The following DCP1B variants were observed in gnomAD, a reference collection of about 807,000 sequenced individuals.
DCP1B encodes mRNA-decapping enzyme 1B.
A neutral mutation model predicts 60.5 loss-of-function variants in DCP1B; 47 were observed. That is an observed-to-expected ratio of 0.78 (90% confidence interval 0.61 to 0.99). The LOEUF is 0.99. DCP1B is among the 50% of genes least tolerant of loss of function. DCP1B has a pLI of 0.00. For synonymous variants in DCP1B, 267 were observed against 280.3 expected, an observed-to-expected ratio of 0.95 and a Z score of 0.47; for missense variants, 725 against 756.8, an observed-to-expected ratio of 0.96 and a Z score of 0.49.
chr12:1,981,508 CTA>C (rs1006341044), intron 3 of DCP1B, among the ~76,000 whole-genome samples: 2 of 152,160 alleles, frequency 1.3e-5, no homozygotes, highest in Non-Finnish European at 2.9e-5. Context: ...ATAAGGTAAA[CTA>C]TAAGCACAAC....
chr12:1,996,057 A>T (rs118063740), intron 2 of DCP1B, among the ~76,000 whole-genome samples: 4,163 of 152,290 alleles, frequency 0.027, 92 homozygotes, highest in Middle Eastern at 0.054. Context: ...TGTCATTTTT[A>T]AAATTTCACC....
chr12:1,972,681 G>A (rs2032828101), intron 3 of DCP1B, among the ~76,000 whole-genome samples: 1 of 152,134 alleles, frequency 6.6e-6, no homozygotes, highest in African/African-American at 2.4e-5. Flanking sequence ...TGAAATACAT[G>A]AAGCATTCAA....
chr12:1,999,214 T>C (rs930076050), intron 1 of DCP1B, among the ~76,000 whole-genome samples: 2 of 152,196 alleles, frequency 1.3e-5, no homozygotes, highest in Admixed American at 6.5e-5. Flanking sequence ...TTCTGATGTA[T>C]GCTAGTTTGA....
intron 1 of DCP1B, among the ~76,000 whole-genome samples, chr12:1,999,407 T>G (rs1032774863): frequency 6.6e-6 from 1 of 152,234 alleles, no homozygotes; most frequent in African/African-American, 2.4e-5. Context: ...TTATGGAATA[T>G]GAAATTATAA....
At chr12:1,984,907 T>A (rs1028653742) in intron 3 of DCP1B, among the ~76,000 whole-genome samples, 1 of 152,078 alleles carries the variant, frequency 6.6e-6, no homozygotes, top group African/African-American at 2.4e-5. Flanking sequence ...GCTCTTTTAT[T>A]TCCAAACTTG....
chr12:1,995,591 A>G (rs1363759049), intron 2 of DCP1B, among the ~76,000 whole-genome samples: 2 of 152,044 alleles, frequency 1.3e-5, no homozygotes, highest in Non-Finnish European at 2.9e-5. Context: ...TCCACCTCCC[A>G]TTGTTGCCTC....
At chr12:1,989,062 T>C (rs1268384928) in intron 3 of DCP1B, among the ~76,000 whole-genome samples, 1 of 152,236 alleles carries the variant, frequency 6.6e-6, no homozygotes, top group Non-Finnish European at 1.5e-5. Flanking sequence ...GATTATATCC[T>C]ATATTCAACT....
At chr12:1,989,419 A>C (rs2038767536) in intron 3 of DCP1B, among the ~76,000 whole-genome samples, 1 of 152,014 alleles carries the variant, frequency 6.6e-6, no homozygotes, top group Non-Finnish European at 1.5e-5. Context: ...GGAAAGGGAA[A>C]GGGAAAGGAA....
chr12:1,969,455 T>C (rs1220869765), intron 3 of DCP1B, among the ~76,000 whole-genome samples: 1 of 151,686 alleles, frequency 6.6e-6, no homozygotes, highest in African/African-American at 2.4e-5. Flanking sequence ...GGGGGGGAAG[T>C]AGGGGAAAAA....
At chr12:2,004,027 C>T (rs898150824) in intron 1 of DCP1B, among the ~76,000 whole-genome samples, 2 of 152,166 alleles carry the variant, frequency 1.3e-5, no homozygotes, top group South Asian at 2.1e-4. Flanking sequence ...CGTACCCGAT[C>T]GGTCTGGTCT....
downstream of DCP1B, among the ~76,000 whole-genome samples, chr12:1,942,816 A>G (rs2154456041): frequency 6.6e-6 from 1 of 152,362 alleles, no homozygotes; most frequent in South Asian, 2.1e-4. Flanking sequence ...GGAAATTTAT[A>G]GCACTAAAAT....
chr12:1,951,087 C>A (rs2030650241), intron 7 of DCP1B, among the ~76,000 whole-genome samples: 1 of 152,138 alleles, frequency 6.6e-6, no homozygotes, highest in Non-Finnish European at 1.5e-5. Flanking sequence ...GCCAGGCCAA[C>A]ATCGTGACAC....
At chr12:1,967,284 G>C (rs763918259) in intron 4 of DCP1B, among the ~76,000 whole-genome samples, 7 of 152,188 alleles carry the variant, frequency 4.6e-5, no homozygotes, top group Non-Finnish European at 1.0e-4. Flanking sequence ...CCAGTAACAA[G>C]GAAGAGAGAG....
intron 5 of DCP1B, among the ~76,000 whole-genome samples, chr12:1,956,385 G>A (rs770393262): frequency 2.0e-4 from 31 of 152,262 alleles, no homozygotes; most frequent in Non-Finnish European, 3.1e-4. Context: ...CAAGGCCTCA[G>A]GCCCCAAAAT....
rs147147626 is a variant in DCP1B, at chr12:2,002,229, T to A, written c.150+2053A>T. 9.7e-3 allele frequency among the ~76,000 whole-genome samples: 1,479 copies of A among 152,322 alleles called. 11 individuals carry two copies. Among genetic ancestry groups the A allele is most frequent in the South Asian group, 0.018 (87 of 4,830 alleles). ...ATCCCCCCTGCCTTCTTGTAAATAC[T>A]TTCTCCTCTATTCTCAACAATGTTC... On this transcript the variant is annotated intron_variant, in intron 1 of 8. Transcript: ENST00000280665.
chr12:1,949,297 G>A lies in DCP1B; in HGVS notation c.1562C>T (p.Pro521Leu), dbSNP rs773134553. Residue 521 changes from proline to leucine, a missense_variant, in exon 8 of 9, where the codon CCG becomes CTG. Physicochemically the swap from Pro to Leu is moderately conservative, Grantham distance 98. Transcript: ENST00000280665. Reference protein sequence around the residue: ...SPQRIPATAAPSLLMSPMVFA... With the variant: ...SPQRIPATAALSLLMSPMVFA... Reference sequence around the variant, plus strand: ...CACCATGGGGGACATAAGCAGAGACGGAGCTGCTGTAGCAGGGATGCGCTG... The same window carrying A: ...CACCATGGGGGACATAAGCAGAGACAGAGCTGCTGTAGCAGGGATGCGCTG... 6.8e-6 allele frequency: 11 copies of A among 1,613,996 alleles called. No homozygotes were observed. Among genetic ancestry groups the A allele is most frequent in the African/African-American group, 6.7e-5 (5 of 74,938 alleles).
At chr12:1,989,278 A>G (rs1319982609) in intron 3 of DCP1B, among the ~76,000 whole-genome samples, 7 of 152,214 alleles carry the variant, frequency 4.6e-5, no homozygotes, top group Non-Finnish European at 7.4e-5. Context: ...CAAGGTTGCA[A>G]TGAGGCTATG....
Position 1,946,261 on chromosome 12 carries a change from ATTATATT to A in DCP1B, c.1792_1798del (p.Asn598SerfsTer9). The A allele has an allele frequency of 6.2e-7, 1 of 1,607,594 alleles. No homozygotes were observed. The highest frequency in any genetic ancestry group is 8.5e-7 in the Non-Finnish European group (1 of 1,177,660). The stretch of plus-strand genomic sequence containing the variant: ...CATGCTGAAGAGATAGGCTTCATAG[ATTATATT>A]TAAGAAGTTGTCATCATTCTGGAAA... On this transcript the variant is annotated frameshift_variant, in exon 9 of 9. Transcript: ENST00000280665. LOFTEE classifies it high-confidence loss of function.
downstream of DCP1B, among the ~76,000 whole-genome samples, chr12:1,944,901 A>C (rs2030370158): frequency 6.6e-6 from 1 of 152,220 alleles, no homozygotes. Flanking sequence ...AAAACACCAA[A>C]AGCAATGGCA....
Sources: allele counts gnomAD v4.1 joint callset (sites outside exome capture counted in the v4.1 genomes callset), GRCh38; gene constraint gnomAD v4.1.1; transcripts MANE v1.5; gene names NCBI Gene and HGNC (gene_info 2026-07-23, HGNC 2026-07-21).